The following MOB4 variants were observed in gnomAD, a reference collection of about 807,000 sequenced individuals.
The protein encoded by MOB4 is MOB family member 4, phocein.
Under a neutral mutation model 32.2 loss-of-function variants are expected in MOB4, and 4 were observed. That is an observed-to-expected ratio of 0.12 (90% CI 0.06 to 0.28). The LOEUF (loss-of-function observed/expected upper bound fraction) is 0.28. Among genes scored for constraint, MOB4 ranks in the 10% least tolerant of loss-of-function variants. The pLI, the probability that MOB4 is intolerant of heterozygous loss-of-function variation, is 1.00. For synonymous variants in MOB4, 88 were observed against 88.1 expected (o/e 1.00, Z 0.01); for missense variants, 158 against 271.2 (o/e 0.58, Z 2.93).
intron 1 of MOB4, among the ~76,000 whole-genome samples, chr2:197,518,844 G>A (rs1432509728): frequency 3.3e-5 from 5 of 151,464 alleles, no homozygotes; most frequent in Non-Finnish European, 7.4e-5. Flanking sequence ...CAAGTTCCAC[G>A]TCCCGGGTTC....
intron 3 of MOB4, among the ~76,000 whole-genome samples, chr2:197,538,431 C>CTTTTTTTTTTTTT: frequency 6.9e-6 from 1 of 145,728 alleles, no homozygotes. Context: ...TGATTTGAGG[C>CTTTTTTTTTTTTT]TGTATACTTG....
At chr2:197,540,978 T>A (rs773260858) in intron 5 of MOB4, among the ~76,000 whole-genome samples, 1 of 151,936 alleles carries the variant, frequency 6.6e-6, no homozygotes, top group Non-Finnish European at 1.5e-5. Context: ...CTCGGTTCGC[T>A]GCAACCTCTG....
At chr2:197,523,022 A>T (rs1034591431) in intron 1 of MOB4, among the ~76,000 whole-genome samples, 1 of 151,748 alleles carries the variant, frequency 6.6e-6, no homozygotes, top group African/African-American at 2.4e-5. Context: ...AATAATAATA[A>T]TATTAATAAT....
intron 2 of MOB4, among the ~76,000 whole-genome samples, chr2:197,529,111 G>A (rs150261359): frequency 0.27 from 40,223 of 151,560 alleles, 6,584 homozygotes; most frequent in South Asian, 0.43. Flanking sequence ...TCGAGTAGCT[G>A]GGATTACAGG....
Position 197,536,048 on chromosome 2 carries a change from G to A in MOB4, c.224+418G>A, listed in dbSNP as rs374830761. Among the ~76,000 whole-genome samples, 14 of 151,862 alleles carry A rather than the reference G, an allele frequency of 9.2e-5. No individual in the cohort carries two copies. In the East Asian group the frequency reaches 2.5e-3, roughly 27 times the overall value. On this transcript the variant is annotated intron_variant, in intron 3 of 7. Transcript: ENST00000323303. ...AGAGTAGCTGGGACTACAGGTGTGT[G>A]CCAGCATGCCTCACTAATTTTTTAA...
intron 3 of MOB4, among the ~76,000 whole-genome samples, chr2:197,538,187 T>C (rs1378004850): frequency 2.0e-5 from 3 of 152,026 alleles, no homozygotes; most frequent in Admixed American, 6.6e-5. Context: ...ATTTAACTTA[T>C]TCTATGAAAC....
chr2:197,547,454 G>C (rs1380405266), intron 5 of MOB4, among the ~76,000 whole-genome samples: 1 of 152,136 alleles, frequency 6.6e-6, no homozygotes, highest in Non-Finnish European at 1.5e-5. Flanking sequence ...ATTGCTCATG[G>C]TACTGTTTTT....
At chr2:197,545,267 A>G (rs1046371789) in intron 5 of MOB4, among the ~76,000 whole-genome samples, 2 of 152,352 alleles carry the variant, frequency 1.3e-5, no homozygotes, top group South Asian at 4.1e-4. Context: ...AAAGTCTCTT[A>G]TATAAAATGG....
chr2:197,552,756 G>A lies in MOB4; in HGVS notation c.*2110G>A, dbSNP rs142155261. On this transcript the variant is annotated 3_prime_UTR_variant, in exon 8 of 8. Transcript: ENST00000323303. ...ATACTGTTTTCAGAATTTTGAAAAT[G>A]TACTTATATATACATAAATACTACT... 6.7e-4 allele frequency: 102 copies of A among 152,366 alleles called. No individual in the cohort carries two copies. The highest frequency in any genetic ancestry group is 2.3e-3 in the African/African-American group (97 of 41,552). 9.4% of individuals were successfully genotyped at this position (152,366 alleles called of 1,614,324 possible).
At chr2:197,540,305 T>A in intron 4 of MOB4, 46 bp from the exon 5 acceptor site, 7 of 1,480,322 alleles carry the variant, frequency 4.7e-6, no homozygotes, top group Non-Finnish European at 6.3e-6. Flanking sequence ...TGATAAGCTT[T>A]TTCATTATTA....
intron 2 of MOB4, chr2:197,533,729 A>T (rs1355852709): frequency 6.0e-6 from 2 of 334,618 alleles, no homozygotes; most frequent in Non-Finnish European, 1.1e-5. Flanking sequence ...CCTCAAAAAA[A>T]AAAAAAAAAA....
intron 1 of MOB4, among the ~76,000 whole-genome samples, chr2:197,517,301 T>A (rs1237532726): frequency 6.6e-6 from 1 of 152,218 alleles, no homozygotes; most frequent in Non-Finnish European, 1.5e-5. Context: ...CAGAGAAAAT[T>A]TTAAAGTCTT....
chr2:197,518,646 G>A lies in MOB4; in HGVS notation c.60+2500G>A, dbSNP rs552622672. Among the ~76,000 whole-genome samples the A allele has an allele frequency of 5.5e-4, 80 of 145,896 alleles. 2 individuals carry two copies. In the South Asian group the frequency reaches 8.8e-3, roughly 16 times the overall value. The stretch of plus-strand genomic sequence containing the variant: ...GGCACGATCGCAGCTCACTGCAGTC[G>A]CTGCCTCCCAAGTTCAAGTGATTCT... On this transcript the variant is annotated intron_variant, in intron 1 of 7. Coordinates refer to ENST00000323303, the MANE Select transcript of MOB4 (RefSeq NM_015387.5).
intron 5 of MOB4, among the ~76,000 whole-genome samples, chr2:197,547,366 C>T (rs1323861919): frequency 6.6e-6 from 1 of 152,096 alleles, no homozygotes; most frequent in Admixed American, 6.5e-5. Context: ...ATGAGAAATA[C>T]AGTTACTTGG....
intron 2 of MOB4, among the ~76,000 whole-genome samples, chr2:197,533,428 T>C (rs748061565): frequency 2.0e-5 from 3 of 151,892 alleles, no homozygotes; most frequent in Non-Finnish European, 2.9e-5. Context: ...TAAAGAGTCA[T>C]TAAAAAGTGT....
chr2:197,516,460 C>T (rs2086413574), intron 1 of MOB4: 2 of 1,133,888 alleles, frequency 1.8e-6, no homozygotes, highest in Non-Finnish European at 2.4e-6. Flanking sequence ...TGCCCCTGAG[C>T]CCCAGCTGAC....
At chr2:197,515,973 T>G, upstream of MOB4, 2 of 1,117,302 alleles carry the variant, frequency 1.8e-6, no homozygotes, top group Non-Finnish European at 2.6e-6. Context: ...CTGCAGCTGT[T>G]CCGTCAGCTG....
At chr2:197,524,526 G>A (rs1423920643) in intron 2 of MOB4, among the ~76,000 whole-genome samples, 11 of 93,086 alleles carry the variant, frequency 1.2e-4, no homozygotes, top group Admixed American at 9.7e-4. Context: ...GCAAGACTCT[G>A]TCTCAAAAAA....
chr2:197,533,749 A>AAAAAT, intron 2 of MOB4: 1 of 323,598 alleles, frequency 3.1e-6, no homozygotes, highest in Non-Finnish European at 6.0e-6. Context: ...AAAAAAAAGT[A>AAAAAT]TTTGATCCCT....
Sources: gnomAD v4.1 joint callset for allele counts (sites outside exome capture counted in the v4.1 genomes callset) on GRCh38, gnomAD v4.1.1 for gene constraint, MANE v1.5 for transcripts, NCBI Gene and HGNC (gene_info 2026-07-23, HGNC 2026-07-21) for gene names.